The following SPAST variants were observed in gnomAD, a reference collection of about 807,000 sequenced individuals.
SPAST encodes the protein spastin.
Under a neutral mutation model 76.6 loss-of-function variants are expected in SPAST, and 30 were observed. The observed-to-expected ratio is 0.39, with a 90% CI of 0.29 to 0.53. The LOEUF (loss-of-function observed/expected upper bound fraction) is 0.53. Ranked by LOEUF, SPAST falls within the 20% of genes least tolerant of loss-of-function variation. The pLI, the probability that SPAST is intolerant of heterozygous loss-of-function variation, is 0.68. For missense variants in SPAST, 717 were observed against 770.5 expected, an observed-to-expected ratio of 0.93 and a Z score of 0.82; for synonymous variants, 305 against 281.0, an observed-to-expected ratio of 1.09 and a Z score of -0.86.
intron 3 of SPAST, among the ~76,000 whole-genome samples, chr2:32,090,220 G>T (rs1328001783): frequency 6.6e-6 from 1 of 152,184 alleles, no homozygotes; most frequent in African/African-American, 2.4e-5. Flanking sequence ...TTGGCACACA[G>T]CCATTCCTTT....
At chr2:32,096,909 G>C (rs889409597) in intron 3 of SPAST, among the ~76,000 whole-genome samples, 12 of 151,186 alleles carry the variant, frequency 7.9e-5, no homozygotes, top group African/African-American at 2.7e-4. Flanking sequence ...AAGGTATATT[G>C]TATCAGCCAG....
At chr2:32,135,169 G>T (rs989654565) in intron 9 of SPAST, among the ~76,000 whole-genome samples, 2 of 149,124 alleles carry the variant, frequency 1.3e-5, no homozygotes, top group Admixed American at 1.3e-4. Context: ...TTGCTCTGTC[G>T]CCCGGGCTGG....
intron 1 of SPAST, among the ~76,000 whole-genome samples, chr2:32,081,781 C>CAAAAAAAAAAAAAA (rs34078147): frequency 0.02 from 878 of 44,320 alleles, 64 homozygotes; most frequent in Non-Finnish European, 0.029. Context: ...GAGACACTGT[C>CAAAAAAAAAAAAAA]AAAAAAAAAA....
At chr2:32,139,789 A>C (rs1442974373) in intron 12 of SPAST, among the ~76,000 whole-genome samples, 2 of 151,590 alleles carry the variant, frequency 1.3e-5, no homozygotes, top group African/African-American at 4.8e-5. Context: ...AGATCGTGCC[A>C]CTGCACTGCA....
At chr2:32,142,792 A>G (rs144096916) in intron 13 of SPAST, among the ~76,000 whole-genome samples, 1 of 152,292 alleles carries the variant, frequency 6.6e-6, no homozygotes, top group Non-Finnish European at 1.5e-5. Context: ...TGAGTGAACT[A>G]AAAAGTGTTC....
At chr2:32,083,764 A>ATTTTTTTTTTT (rs1677352200) in intron 1 of SPAST, among the ~76,000 whole-genome samples, 1 of 45,226 alleles carries the variant, frequency 2.2e-5, no homozygotes. Flanking sequence ...ATATATATAT[A>ATTTTTTTTTTT]TATATATATA....
chr2:32,144,864 A>G, intron 14 of SPAST, 73 bp from the exon 15 acceptor site: 1 of 999,404 alleles, frequency 1.0e-6, no homozygotes. Flanking sequence ...AGCCTGGGCA[A>G]CAAGAGCAAA....
intron 1 of SPAST, among the ~76,000 whole-genome samples, chr2:32,084,836 G>A (rs1031261370): frequency 2.9e-5 from 4 of 136,324 alleles, no homozygotes; most frequent in Admixed American, 1.6e-4. Context: ...GTAGTGAGCC[G>A]AGATCATGCC....
chr2:32,112,626 G>A lies in SPAST; in HGVS notation c.683-2012G>A, dbSNP rs536151277. On this transcript the variant is annotated intron_variant, in intron 4 of 16. Transcript: ENST00000315285. ...CTCCGAAAGTTCTGGGATTACAGGC[G>A]TAAGCCACCACGCCCAGCCTAATGT... 8.6e-5 allele frequency among the ~76,000 whole-genome samples: 13 copies of A among 151,738 alleles called. No individual in the cohort carries two copies. In the East Asian group the frequency reaches 1.4e-3, roughly 16 times the overall value.
chr2:32,109,772 A>G (rs1444698206), intron 4 of SPAST, among the ~76,000 whole-genome samples: 2 of 149,066 alleles, frequency 1.3e-5, no homozygotes, highest in East Asian at 2.0e-4. Context: ...ATAGTTATAT[A>G]TGTATATGCA....
At position 32,157,330 on chromosome 2, in the gene SPAST, G is replaced by A. The variant is rs888959279; in HGVS notation, c.*2834G>A. 1 of 152,598 alleles carries A rather than the reference G, an allele frequency of 6.6e-6. No individual in the cohort carries two copies. The highest frequency in any genetic ancestry group is 2.4e-5 in the African/African-American group (1 of 41,446). The allele number at this position is 152,598 out of a possible 1,614,324, so 9.5% of individuals were successfully genotyped here. A position where few individuals can be genotyped will look rare whatever the true frequency, so the allele number is the denominator to read the frequency against. ...ATTGAGAATATTAGATTTCTGACTTGCAAATATGTTTGTACTCCAGAAGAA... is the reference window on the plus strand; with the variant it reads ...ATTGAGAATATTAGATTTCTGACTTACAAATATGTTTGTACTCCAGAAGAA... On this transcript the variant is annotated 3_prime_UTR_variant, in exon 17 of 17. Transcript: ENST00000315285.
intron 4 of SPAST, among the ~76,000 whole-genome samples, chr2:32,102,625 T>C (rs1678169918): frequency 2.0e-5 from 3 of 152,336 alleles, no homozygotes; most frequent in South Asian, 2.1e-4. Context: ...ATAGCTCTTA[T>C]TATTTTGAGA....
chr2:32,106,978 T>A (rs1678348778), intron 4 of SPAST, among the ~76,000 whole-genome samples: 1 of 151,770 alleles, frequency 6.6e-6, no homozygotes, highest in Admixed American at 6.6e-5. Context: ...GTAATTCTAC[T>A]AGGATAAATA....
intron 7 of SPAST, among the ~76,000 whole-genome samples, chr2:32,117,482 A>G (rs1010413607): frequency 2.0e-5 from 3 of 151,754 alleles, no homozygotes; most frequent in Non-Finnish European, 4.4e-5. Context: ...ATTATTTTTA[A>G]AAAGAGAGAA....
intron 1 of SPAST, among the ~76,000 whole-genome samples, chr2:32,085,760 G>T (rs141082097): frequency 6.6e-6 from 1 of 152,118 alleles, no homozygotes; most frequent in Non-Finnish European, 1.5e-5. Context: ...CATGTGGCCA[G>T]GTGCGGTGGC....
intron 4 of SPAST, among the ~76,000 whole-genome samples, chr2:32,099,249 G>A (rs1678030277): frequency 6.6e-6 from 1 of 151,930 alleles, no homozygotes; most frequent in Admixed American, 6.6e-5. Context: ...TGTTTTCTAA[G>A]ACACATTTTA....
At chr2:32,064,492 G>A (rs1424615361) in intron 1 of SPAST, among the ~76,000 whole-genome samples, 7 of 152,166 alleles carry the variant, frequency 4.6e-5, no homozygotes, top group Admixed American at 2.0e-4. Context: ...CCACACTTCT[G>A]CATGACCCAG....
intron 9 of SPAST, among the ~76,000 whole-genome samples, chr2:32,136,185 T>A (rs1451099845): frequency 2.0e-5 from 3 of 152,242 alleles, no homozygotes; most frequent in African/African-American, 7.2e-5. Context: ...CATTCCAACT[T>A]ACTTGCTTCT....
rs1676366660 is a variant in SPAST at position 32,063,568 on chromosome 2, G to A, written c.-264G>A. ...GACGTGCGCGTGCGCGGCCGCCGCT[G>A]GGAGCCACCAGGCGGCGGAGAGGAC... On this transcript the variant is annotated 5_prime_UTR_variant, in exon 1 of 17. Transcript: ENST00000315285. The A allele has an allele frequency of 5.9e-6, 3 of 507,168 alleles. No individual in the cohort carries two copies. The highest frequency in any genetic ancestry group is 3.9e-5 in the Admixed American group (1 of 25,688). The allele number at this position is 507,168 out of a possible 1,614,324, so 31.4% of individuals were successfully genotyped here. A position where few individuals can be genotyped will look rare whatever the true frequency, so the allele number is the denominator to read the frequency against.
Sources: allele counts gnomAD v4.1 joint callset (sites outside exome capture counted in the v4.1 genomes callset), GRCh38; gene constraint gnomAD v4.1.1; transcripts MANE v1.5; gene names NCBI Gene and HGNC (gene_info 2026-07-23, HGNC 2026-07-21).